Variants in KIF1B observed in about 807,000 individuals in gnomAD.
KIF1B encodes the protein kinesin-like protein KIF1B.
KIF1B carries 76 observed loss-of-function variants against 241.9 expected under a neutral mutation model. The ratio of observed to expected loss-of-function variants is 0.31; its 90% CI spans 0.26 to 0.38. KIF1B has a LOEUF of 0.38. Among genes scored for constraint, KIF1B ranks in the 10% least tolerant of loss-of-function variants. KIF1B has a pLI of 1.00. For synonymous variants in KIF1B, 750 were observed against 796.7 expected, an observed-to-expected ratio of 0.94 and a Z score of 0.99; for missense variants, 1,622 against 2,271.4, an observed-to-expected ratio of 0.71 and a Z score of 5.81.
intron 20 of KIF1B, 23 bp from the exon 21 acceptor site, chr1:10,296,874 C>G: frequency 2.5e-6 from 4 of 1,607,306 alleles, no homozygotes; most frequent in Non-Finnish European, 3.4e-6. Flanking sequence ...ATTTCTTAAC[C>G]CTATTTTTCT....
intron 4 of KIF1B, among the ~76,000 whole-genome samples, chr1:10,261,392 T>TGGAGA (rs1648136827): frequency 6.6e-6 from 1 of 151,614 alleles, no homozygotes; most frequent in Admixed American, 6.6e-5. Flanking sequence ...TGCCTCAGCC[T>TGGAGA]CCAGAATAGC....
intron 22 of KIF1B, chr1:10,307,301 T>G (rs1317460715): frequency 5.9e-6 from 6 of 1,013,944 alleles, no homozygotes; most frequent in African/African-American, 1.7e-5. Context: ...CCATATTACT[T>G]TGTTTTTTGT....
At chr1:10,319,932 T>G in intron 22 of KIF1B, 111 bp from the exon 23 acceptor site, 1 of 736,196 alleles carries the variant, frequency 1.4e-6, no homozygotes, top group Non-Finnish European at 2.4e-6. Context: ...CCTTTGTCTC[T>G]TTTCCTTGTC....
At chr1:10,263,347 C>T (rs536274812) in intron 5 of KIF1B, among the ~76,000 whole-genome samples, 28 of 151,200 alleles carry the variant, frequency 1.9e-4, no homozygotes, top group African/African-American at 5.9e-4. Context: ...TCTCTCTCAC[C>T]GCCACCCCCC....
At chr1:10,336,171 C>T (rs184069567) in intron 28 of KIF1B, among the ~76,000 whole-genome samples, 13 of 152,104 alleles carry the variant, frequency 8.5e-5, no homozygotes, top group East Asian at 7.7e-4. Context: ...TTTTTTGAGA[C>T]GGAGTCTCGC....
intron 22 of KIF1B, among the ~76,000 whole-genome samples, chr1:10,309,215 A>C (rs1650963333): frequency 6.6e-6 from 1 of 152,354 alleles, no homozygotes; most frequent in Middle Eastern, 3.4e-3. Context: ...CAAAATCCAC[A>C]TGAGTTTTTA....
chr1:10,263,192 G>A (rs1648245191), intron 5 of KIF1B, among the ~76,000 whole-genome samples: 1 of 151,734 alleles, frequency 6.6e-6, no homozygotes, highest in Non-Finnish European at 1.5e-5. Flanking sequence ...GCTGAGGCAC[G>A]AGAATCGCTT....
intron 2 of KIF1B, among the ~76,000 whole-genome samples, chr1:10,240,364 A>G (rs946669007): frequency 2.0e-5 from 3 of 151,904 alleles, no homozygotes; most frequent in Non-Finnish European, 4.4e-5. Flanking sequence ...GGGTGCCACC[A>G]TACCTGGCTA....
At position 10,232,444 on chromosome 1, in the gene KIF1B, T is replaced by C; in HGVS notation, c.106+10T>C. On this transcript the variant is annotated intron_variant, in intron 2 of 48. Coordinates refer to ENST00000676179, the MANE Select transcript of KIF1B (RefSeq NM_001365951.3). ...CAAGGCAACTCGACCAGTGAGTACA[T>C]GTTGTTTTCTCTCAGCTGTGTATCT... is the stretch of plus-strand genomic sequence containing the variant. The C allele has an allele frequency of 6.4e-7, 1 of 1,573,340 alleles. No individual in the cohort carries two copies. Among genetic ancestry groups the C allele is most frequent in the Non-Finnish European group, 8.7e-7 (1 of 1,143,080 alleles).
chr1:10,245,231 C>G (rs1404883917), intron 2 of KIF1B, among the ~76,000 whole-genome samples: 2 of 152,150 alleles, frequency 1.3e-5, no homozygotes, highest in East Asian at 1.9e-4. Flanking sequence ...CATCTTTATG[C>G]TAAAGTAGCA....
chr1:10,239,841 C>T (rs1420328912), intron 2 of KIF1B, among the ~76,000 whole-genome samples: 1 of 152,118 alleles, frequency 6.6e-6, no homozygotes, highest in Non-Finnish European at 1.5e-5. Context: ...TCTTGGCTCA[C>T]TGCAAGCTCT....
chr1:10,312,720 A>C (rs945965904), intron 22 of KIF1B, among the ~76,000 whole-genome samples: 2 of 151,316 alleles, frequency 1.3e-5, no homozygotes, highest in Non-Finnish European at 2.9e-5. Context: ...TGCTTAACCT[A>C]CTCAGTCTAG....
chr1:10,339,084 T>TA (rs1652291346), intron 31 of KIF1B, among the ~76,000 whole-genome samples: 1 of 152,066 alleles, frequency 6.6e-6, no homozygotes, highest in African/African-American at 2.4e-5. Context: ...AGACTAATAA[T>TA]AGGGAGAGAG....
intron 22 of KIF1B, among the ~76,000 whole-genome samples, chr1:10,300,098 G>A (rs970270992): frequency 2.0e-5 from 3 of 151,846 alleles, no homozygotes; most frequent in Non-Finnish European, 2.9e-5. Context: ...TTAGCAGGAC[G>A]TCTTGGTGGG....
At chr1:10,343,764 A>C (rs1293566945) in intron 34 of KIF1B, among the ~76,000 whole-genome samples, 1 of 151,988 alleles carries the variant, frequency 6.6e-6, no homozygotes, top group African/African-American at 2.4e-5. Flanking sequence ...GTCTCAAAAC[A>C]ATATAAAATA....
chr1:10,363,368 G>T (rs373894895), intron 41 of KIF1B, 24 bp downstream of exon 41: 1 of 1,579,756 alleles, frequency 6.3e-7, no homozygotes, highest in Admixed American at 1.7e-5. Context: ...GATTGAGGAG[G>T]TGATAGTTAT....
chr1:10,320,893 G>T (rs1052061134), intron 23 of KIF1B, among the ~76,000 whole-genome samples: 3 of 151,944 alleles, frequency 2.0e-5, no homozygotes, highest in Non-Finnish European at 4.4e-5. Context: ...TGGAGATGGG[G>T]TTTCACCATG....
chr1:10,339,254 C>A (rs551062806), intron 31 of KIF1B, among the ~76,000 whole-genome samples: 1 of 152,202 alleles, frequency 6.6e-6, no homozygotes, highest in East Asian at 1.9e-4. Flanking sequence ...ACAGTGAAAT[C>A]ATTGCTATTA....
chr1:10,311,016 G>T (rs1651042465), intron 22 of KIF1B, among the ~76,000 whole-genome samples: 4 of 151,312 alleles, frequency 2.6e-5, no homozygotes, highest in Non-Finnish European at 5.9e-5. Context: ...CCTGTTAGTG[G>T]ATAAACTGTC....
Sources: allele counts gnomAD v4.1 joint callset (sites outside exome capture counted in the v4.1 genomes callset), GRCh38; gene constraint gnomAD v4.1.1; transcripts MANE v1.5; gene names NCBI Gene and HGNC (gene_info 2026-07-23, HGNC 2026-07-21).